The following RABL6 variants were observed in gnomAD, a reference collection of about 807,000 sequenced individuals.
The protein encoded by RABL6 is rab-like protein 6.
In RABL6, 28 loss-of-function variants were observed where a neutral mutation model predicts 72.9. The ratio of observed to expected loss-of-function variants is 0.38; its 90% CI spans 0.28 to 0.53. The LOEUF (loss-of-function observed/expected upper bound fraction) is 0.53. RABL6 is among the 20% of genes least tolerant of loss of function. RABL6 has a pLI of 0.80. For synonymous variants in RABL6, 477 were observed against 421.2 expected (o/e 1.13, Z -1.62); for missense variants, 1,029 against 1,008.4 (o/e 1.02, Z -0.28).
Position 136,839,388 on chromosome 9 carries a change from G to C in RABL6, c.1660G>C (p.Glu554Gln). 6.2e-7 allele frequency: 1 copy of C among 1,612,622 alleles called. No homozygotes were observed. Among genetic ancestry groups the C allele is most frequent in the Non-Finnish European group, 8.5e-7 (1 of 1,179,768 alleles). ...GAAGGGTGAGCAGGCCTCCTCGTCGGAGAGTGACCCCGAGGGACCCATTGC... is the reference window on the plus strand; with the variant it reads ...GAAGGGTGAGCAGGCCTCCTCGTCGCAGAGTGACCCCGAGGGACCCATTGC... ...PGKGEQASSS[E>Q]SDPEGPIAAQ... is the part of the protein sequence containing the mutation. The change falls in exon 12 of 15, where the codon GAG (glutamate) becomes CAG (glutamine). Residue 554 changes from glutamate to glutamine, a missense_variant. By Grantham distance (29) the Glu-to-Gln change is conservative. Around this residue, in one of 2 missense-constraint regions of RABL6, gnomAD observed 595 missense variants for 472.4 expected, o/e 1.26. Transcript: ENST00000311502.
Position 136,837,456 on chromosome 9 carries a change from T to G in RABL6, c.920T>G (p.Val307Gly), listed in dbSNP as rs540241637. 1 of 1,563,322 alleles carries G rather than the reference T, an allele frequency of 6.4e-7. No individual in the cohort carries two copies. Among genetic ancestry groups the G allele is most frequent in the African/African-American group, 1.4e-5 (1 of 73,854 alleles). The change falls in exon 9 of 15, where the codon GTG becomes GGG. Residue 307 changes from valine (V) to glycine (G), a missense_variant. Val to Gly is a moderately radical substitution (Grantham distance 109). Transcript: ENST00000311502. ...SQSPVVPAGA[V>G]STGSSSPGTP... ...TCACCAGTGGTGCCTGCAGGCGCTGTGTCCACGGGGAGCTCCAGCCCCGGC... is the reference window on the plus strand; with the variant it reads ...TCACCAGTGGTGCCTGCAGGCGCTGGGTCCACGGGGAGCTCCAGCCCCGGC...
At chr9:136,839,519 C>G in intron 12 of RABL6, 33 bp downstream of exon 12, 1 of 1,586,978 alleles carries the variant, frequency 6.3e-7, no homozygotes, top group Non-Finnish European at 8.6e-7. Flanking sequence ...AGAGGTCAGC[C>G]AGGTGGCCAG....
intron 1 of RABL6, chr9:136,821,412 G>A: frequency 4.1e-6 from 4 of 985,412 alleles, no homozygotes; most frequent in Non-Finnish European, 3.6e-6. Flanking sequence ...GAGCGGTGCC[G>A]GGGCGGGGAG....
At chr9:136,836,670 T>TGCTGC (rs1416533770) in intron 8 of RABL6, 1 of 157,788 alleles carries the variant, frequency 6.3e-6, no homozygotes, top group Non-Finnish European at 1.4e-5. Flanking sequence ...GTCAGCTGGA[T>TGCTGC]GCTGCGATGG....
chr9:136,839,567 G>A (rs1848649652), intron 12 of RABL6, 81 bp downstream of exon 12: 5 of 1,554,824 alleles, frequency 3.2e-6, no homozygotes, highest in South Asian at 2.5e-5. Flanking sequence ...GGGTGCAGTG[G>A]GAGGAGGCTT....
In RABL6 at chr9:136,828,563, C is replaced by G; in HGVS notation, c.366+17C>G. The G allele has an allele frequency of 1.2e-6, 2 of 1,611,894 alleles. No homozygotes were observed. The highest frequency in any genetic ancestry group is 2.2e-5 in the East Asian group (1 of 44,872). ...CCCCAGGAGGTGAGTGCCAGGTACA[C>G]AGTGGGTAGCAGTGGCTCAGGGCCC... On this transcript the variant is annotated intron_variant, in intron 4 of 14. Coordinates refer to ENST00000311502, the MANE Select transcript of RABL6 (RefSeq NM_024718.5).
intron 1 of RABL6, chr9:136,810,037 A>C (rs1037756298): frequency 1.3e-5 from 2 of 152,260 alleles, no homozygotes; most frequent in Non-Finnish European, 2.9e-5. Flanking sequence ...GCTGATTTTA[A>C]ATGTGTTATA....
At chr9:136,819,300 C>T (rs928781859) in intron 1 of RABL6, among the ~76,000 whole-genome samples, 3 of 140,452 alleles carry the variant, frequency 2.1e-5, no homozygotes, top group Non-Finnish European at 3.0e-5. Context: ...CCAGCCTGGG[C>T]AGCAGAACGA....
chr9:136,832,067 T>C, intron 6 of RABL6, 198 bp from the exon 7 acceptor site: 2 of 943,436 alleles, frequency 2.1e-6, no homozygotes, highest in Non-Finnish European at 3.1e-6. Flanking sequence ...TGTGCCAGGG[T>C]GAAGTGCTGG....
Position 136,819,324 on chromosome 9 carries a change from GAAAAA to G in RABL6, c.131-4186_131-4182del, listed in dbSNP as rs57726746. Among the ~76,000 whole-genome samples, 291 of 58,950 alleles carry G rather than the reference GAAAAA, an allele frequency of 4.9e-3. 2 individuals are homozygous for G. The highest frequency in any genetic ancestry group is 0.013 in the African/African-American group (276 of 21,878). The allele number at this position is 58,950 out of a possible 152,430, so 38.7% of individuals were successfully genotyped here. A position where few individuals can be genotyped will look rare whatever the true frequency, so the allele number is the denominator to read the frequency against. On this transcript the variant is annotated intron_variant, in intron 1 of 14. Transcript: ENST00000311502. ...GCAGCAGAACGAGACTCCGTCTCAAGAAAAAAAAAAAAAAAAAAAGAAAACCACCT... is the reference window on the plus strand; with the variant it reads ...GCAGCAGAACGAGACTCCGTCTCAAGAAAAAAAAAAAAAAGAAAACCACCT...
Position 136,841,180 on chromosome 9 carries a change from T to G in RABL6, c.*658T>G, listed in dbSNP as rs1848691671. The G allele has an allele frequency of 1.5e-6, 1 of 649,624 alleles. No individual in the cohort carries two copies. 40.2% of individuals were successfully genotyped at this position (649,624 alleles called of 1,614,324 possible). A position where few individuals can be genotyped will look rare whatever the true frequency, so the allele number is the denominator to read the frequency against. ...ACTCAGACCATAAAGCACTCCTGTT[T>G]CACTCTGCGTGTGTCTGTTCTTCTG... On this transcript the variant is annotated 3_prime_UTR_variant, in exon 15 of 15. Transcript: ENST00000311502.
rs546567426 is a variant in RABL6 at position 136,832,775 on chromosome 9, G to A, written c.705+405G>A. 97 of 332,760 alleles carry A rather than the reference G, an allele frequency of 2.9e-4. 1 individual carries two copies. The highest frequency in any genetic ancestry group is 3.5e-4 in the Non-Finnish European group (59 of 170,908). The allele number at this position is 332,760 out of a possible 1,614,324, so 20.6% of individuals were successfully genotyped here. A position where few individuals can be genotyped will look rare whatever the true frequency, so the allele number is the denominator to read the frequency against. On this transcript the variant is annotated intron_variant, in intron 7 of 14. Transcript: ENST00000311502. ...CTCCCAAAGTGCTGGGATGCCAGGC[G>A]TGAGTCACCGAGGTACTCGCTGTTC...
Position 136,832,029 on chromosome 9 carries a change from G to A in RABL6, c.599+168G>A, listed in dbSNP as rs529995938. 5.3e-6 allele frequency: 6 copies of A among 1,132,566 alleles called. No homozygotes were observed. In the East Asian group the frequency reaches 1.3e-4, roughly 24 times the overall value. The allele number at this position is 1,132,566 out of a possible 1,614,324, so 70.2% of individuals were successfully genotyped here. ...TGAAGCCTGGGTCTCCCCGATGGCA[G>A]GGCCGGGAACTGTGTGCTGGGGAAC... On this transcript the variant is annotated intron_variant, in intron 6 of 14. Coordinates refer to ENST00000311502, the MANE Select transcript of RABL6 (RefSeq NM_024718.5).
intron 1 of RABL6, chr9:136,821,579 G>T: frequency 2.0e-6 from 2 of 985,394 alleles, no homozygotes; most frequent in Non-Finnish European, 2.4e-6. Context: ...GCGGCCGCCC[G>T]ACTGAGCCCA....
intron 5 of RABL6, among the ~76,000 whole-genome samples, chr9:136,831,215 T>G (rs971144524): frequency 2.0e-5 from 3 of 152,290 alleles, no homozygotes; most frequent in Non-Finnish European, 4.4e-5. Flanking sequence ...CTCTGGAGAC[T>G]TGCCGTCCGT....
rs1295988773 is a variant in RABL6, at chr9:136,840,808, A to T, written c.*286A>T. On this transcript the variant is annotated 3_prime_UTR_variant, in exon 15 of 15. Transcript: ENST00000311502. ...GCAGAGCCGCCAGTGTTTCTCAGGG[A>T]TGTGACTGAGGCCCAGGAGGGACCT... 2 of 1,547,300 alleles carry T rather than the reference A, an allele frequency of 1.3e-6. No homozygotes were observed. The highest frequency in any genetic ancestry group is 2.4e-5 in the East Asian group (1 of 40,884).
intron 8 of RABL6, chr9:136,836,081 A>G (rs1848579979): frequency 4.4e-6 from 2 of 453,820 alleles, no homozygotes; most frequent in Non-Finnish European, 7.9e-6. Context: ...TGCCACTCTG[A>G]GTACCGCTGA....
rs756590456 is a variant in RABL6, at chr9:136,838,005, G to C, written c.1270G>C (p.Asp424His). Residue 424 changes from aspartate (D) to histidine (H), a missense_variant, in exon 10 of 15, where the codon GAC (aspartate) becomes CAC (histidine). Asp to His is a moderately conservative substitution (Grantham distance 81). This residue lies in a region of RABL6 where 595 missense variants were observed against 472.4 expected (regional missense o/e 1.26). Coordinates refer to ENST00000311502, the MANE Select transcript of RABL6 (RefSeq NM_024718.5). ...GGTGGGGGCCAAGGCTGCCCAGCAGGACAGCGACAGGTGAGGGGTGGGCCT... is the reference window on the plus strand; with the variant it reads ...GGTGGGGGCCAAGGCTGCCCAGCAGCACAGCGACAGGTGAGGGGTGGGCCT... ...KKVGAKAAQQ[D>H]SDSDGEALGG... The C allele has an allele frequency of 1.9e-6, 3 of 1,562,514 alleles. No individual in the cohort carries two copies. In the Admixed American group the frequency reaches 5.7e-5, roughly 30 times the overall value.
intron 1 of RABL6, among the ~76,000 whole-genome samples, chr9:136,811,979 G>A (rs966567005): frequency 6.6e-5 from 10 of 152,234 alleles, no homozygotes; most frequent in African/African-American, 2.2e-4. Context: ...CATTCAGATG[G>A]TTGGCAGGCC....
Sources: allele counts gnomAD v4.1 joint callset (sites outside exome capture counted in the v4.1 genomes callset), GRCh38; gene constraint gnomAD v4.1.1; regional missense constraint gnomAD v4.1.1; transcripts MANE v1.5; gene names NCBI Gene and HGNC (gene_info 2026-07-23, HGNC 2026-07-21).